The following COL4A3 variants were observed in gnomAD, a reference collection of about 807,000 sequenced individuals.
The protein encoded by COL4A3 is collagen type IV alpha 3 chain.
A neutral mutation model predicts 217.4 loss-of-function variants in COL4A3; 135 were observed. That is an observed-to-expected ratio of 0.62 (90% confidence interval 0.54 to 0.72). The LOEUF is 0.72. COL4A3 is among the 30% of genes least tolerant of loss of function. COL4A3 has a pLI of 0.00. For missense variants in COL4A3, 1,868 were observed against 2,119.9 expected (o/e 0.88, Z 2.33); for synonymous variants, 690 against 736.3 (o/e 0.94, Z 1.02).
intron 26 of COL4A3, among the ~76,000 whole-genome samples, chr2:227,275,427 C>T (rs934841076): frequency 6.6e-6 from 1 of 152,116 alleles, no homozygotes; most frequent in Admixed American, 6.5e-5. Flanking sequence ...GTGATCCACC[C>T]GCCTTGGTCT....
At chr2:227,233,683 G>GA (rs1444139183) in intron 1 of COL4A3, among the ~76,000 whole-genome samples, 1 of 152,214 alleles carries the variant, frequency 6.6e-6, no homozygotes, top group South Asian at 2.1e-4. Context: ...ATATCAAAAA[G>GA]AAAAAATCAA....
intron 1 of COL4A3, among the ~76,000 whole-genome samples, chr2:227,193,479 C>T (rs1384539829): frequency 2.0e-5 from 3 of 152,050 alleles, no homozygotes; most frequent in African/African-American, 7.2e-5. Context: ...TTGGGGAGGC[C>T]GAGGTGGGCG....
Position 227,314,661 on chromosome 2 carries a change from A to C in COL4A3, c.*2791A>C, listed in dbSNP as rs779705298. On this transcript the variant is annotated 3_prime_UTR_variant, in exon 52 of 52. Transcript: ENST00000396578. Reference sequence around the variant, plus strand: ...CTCTATAACCAAATGAAATATATTTAAAATATATTGAATATTTTATATTGT... The same window carrying C: ...CTCTATAACCAAATGAAATATATTTCAAATATATTGAATATTTTATATTGT... 2 of 152,220 alleles carry C rather than the reference A, an allele frequency of 1.3e-5. No individual in the cohort carries two copies. Among genetic ancestry groups the C allele is most frequent in the Non-Finnish European group, 2.9e-5 (2 of 67,970 alleles). The allele number at this position is 152,220 out of a possible 1,614,324, so 9.4% of individuals were successfully genotyped here. A position where few individuals can be genotyped will look rare whatever the true frequency, so the allele number is the denominator to read the frequency against.
intron 39 of COL4A3, 34 bp from the exon 40 acceptor site, chr2:227,294,930 T>C (rs775607189): frequency 2.8e-6 from 4 of 1,432,746 alleles, no homozygotes; most frequent in African/African-American, 1.7e-5. Context: ...TATACCATAG[T>C]TTGGGGTTTT....
At chr2:227,222,076 C>A (rs1387879605) in intron 1 of COL4A3, among the ~76,000 whole-genome samples, 2 of 149,852 alleles carry the variant, frequency 1.3e-5, no homozygotes, top group East Asian at 3.9e-4. Flanking sequence ...ATTGCTTGAG[C>A]CCAGGAGTTT....
rs542100614 is a variant in COL4A3, at chr2:227,164,771, G to C, written c.45G>C (p.Pro15=). The change falls in exon 1 of 52, where the codon CCG becomes CCC. Residue 15 remains proline (P), a synonymous_variant. Transcript: ENST00000396578. The surrounding 1 kb of genome is among the most constrained non-coding windows in gnomAD (Gnocchi z 4.8). Reference sequence around the variant, plus strand: ...CCAGGCCGCAGGTGCTCCTGCTGCCGCTCCTGCTGGTGCTCCTGGCGGCGG... The same window carrying C: ...CCAGGCCGCAGGTGCTCCTGCTGCCCCTCCTGCTGGTGCTCCTGGCGGCGG... The part of the protein sequence containing the change: ...TAPRPQVLLL[P]LLLVLLAAAP... The C allele has an allele frequency of 1.3e-6, 2 of 1,522,482 alleles. No individual in the cohort carries two copies. 94.3% of individuals were successfully genotyped at this position (1,522,482 alleles called of 1,614,324 possible).
At chr2:227,249,216 A>G (rs536510249) in intron 9 of COL4A3, among the ~76,000 whole-genome samples, 3 of 26,884 alleles carry the variant, frequency 1.1e-4, no homozygotes, top group African/African-American at 3.4e-4. Context: ...TAGCTAGTAT[A>G]TATATATATA....
At chr2:227,217,942 G>A (rs575332398) in intron 1 of COL4A3, among the ~76,000 whole-genome samples, 2 of 150,504 alleles carry the variant, frequency 1.3e-5, no homozygotes, top group African/African-American at 4.8e-5. Context: ...CTGGCACAAG[G>A]GCAGAAGACA....
Position 227,251,361 on chromosome 2 carries a change from G to T in COL4A3, c.635G>T (p.Arg212Ile). ...FFGFPGAMGPRGPKGHMGERV... is the reference protein window; with the variant it reads ...FFGFPGAMGPIGPKGHMGERV... ...GGCTTTCCAGGAGCCATGGGACCTA[G>T]AGGACCTAAGGTAGACTACAGTTCA... Residue 212 changes from arginine to isoleucine, a missense_variant, in exon 11 of 52, where the codon AGA (arginine) becomes ATA (isoleucine). Arg to Ile is a moderately conservative substitution (Grantham distance 97). Around this residue, in one of 2 missense-constraint regions of COL4A3, gnomAD observed 365 missense variants for 333.8 expected, o/e 1.09. Transcript: ENST00000396578. 1 of 1,613,028 alleles carries T rather than the reference G, an allele frequency of 6.2e-7. No homozygotes were observed. The highest frequency in any genetic ancestry group is 8.5e-7 in the Non-Finnish European group (1 of 1,179,916).
chr2:227,301,350 T>C (rs914951437), intron 43 of COL4A3, among the ~76,000 whole-genome samples: 3 of 152,216 alleles, frequency 2.0e-5, no homozygotes, highest in African/African-American at 4.8e-5. Flanking sequence ...AGAACATCTA[T>C]GGTATAACTC....
intron 1 of COL4A3, among the ~76,000 whole-genome samples, chr2:227,226,471 G>GTTTT (rs1553745378): frequency 2.7e-5 from 3 of 111,908 alleles, no homozygotes; most frequent in Non-Finnish European, 3.8e-5. Flanking sequence ...CTAATGTTAG[G>GTTTT]TTTGTTTTTT....
Position 227,164,871 on chromosome 2 carries a change from G to A in COL4A3, c.87+58G>A. 20 of 1,423,254 alleles carry A rather than the reference G, an allele frequency of 1.4e-5. No individual in the cohort carries two copies. Among genetic ancestry groups the A allele is most frequent in the Non-Finnish European group, 1.6e-5 (17 of 1,092,786 alleles). The allele number at this position is 1,423,254 out of a possible 1,614,324, so 88.2% of individuals were successfully genotyped here. A position where few individuals can be genotyped will look rare whatever the true frequency, so the allele number is the denominator to read the frequency against. ...ACTTCCATCCCTCCTCCACGCGTCC[G>A]GGGGACGCGCTGGCCCCACCCGCAG... On this transcript the variant is annotated intron_variant, in intron 1 of 51. Coordinates refer to ENST00000396578, the MANE Select transcript of COL4A3 (RefSeq NM_000091.5). This position sits in a 1 kb window ranked among gnomAD's most constrained non-coding sequence, Gnocchi z 4.8.
At chr2:227,284,956 T>C (rs927872826) in intron 34 of COL4A3, among the ~76,000 whole-genome samples, 1 of 152,158 alleles carries the variant, frequency 6.6e-6, no homozygotes, top group Non-Finnish European at 1.5e-5. Context: ...ATATGATCAA[T>C]ACGACCAATA....
rs528769621 is a variant in COL4A3, at chr2:227,253,887, C to G, written c.766-225C>G. On this transcript the variant is annotated intron_variant, in intron 13 of 51. Transcript: ENST00000396578. This position sits in a 1 kb window ranked among gnomAD's most constrained non-coding sequence, Gnocchi z 4.4. ...AGACTTCATTTAAAAAAAAAAACAA[C>G]AAAAAAAAGATACTTAAAAAAAAGC... Among the ~76,000 whole-genome samples the G allele has an allele frequency of 6.6e-6, 1 of 150,862 alleles. No homozygotes were observed. The highest frequency in any genetic ancestry group is 1.5e-5 in the Non-Finnish European group (1 of 67,766).
At position 227,290,065 on chromosome 2, in the gene COL4A3, G is replaced by A. The variant is rs1479935022; in HGVS notation, c.3047G>A (p.Ser1016Asn). ...GEPGLRGIPG[S>N]MGNMGMPGSK... ...CCAGGACTGCGTGGTATACCAGGAA[G>A]CATGGGGAACATGGGCATGCCAGGT... is the stretch of plus-strand genomic sequence containing the variant. Residue 1016 changes from serine to asparagine, a missense_variant, in exon 36 of 52, where the codon AGC becomes AAC. By Grantham distance (46) the Ser-to-Asn change is conservative. Transcript: ENST00000396578. 1 of 1,614,186 alleles carries A rather than the reference G, an allele frequency of 6.2e-7. No homozygotes were observed. Among genetic ancestry groups the A allele is most frequent in the Non-Finnish European group, 8.5e-7 (1 of 1,180,022 alleles).
intron 1 of COL4A3, among the ~76,000 whole-genome samples, chr2:227,230,423 A>T (rs527645401): frequency 6.6e-6 from 1 of 152,328 alleles, no homozygotes; most frequent in South Asian, 2.1e-4. Flanking sequence ...TTAAGATATG[A>T]GGAAACTATG....
At chr2:227,180,246 C>T (rs1440421527) in intron 1 of COL4A3, among the ~76,000 whole-genome samples, 4 of 152,138 alleles carry the variant, frequency 2.6e-5, no homozygotes, top group Non-Finnish European at 5.9e-5. Flanking sequence ...AACAGGGCAG[C>T]CTCTGAAATC....
intron 3 of COL4A3, 45 bp downstream of exon 3, chr2:227,240,277 C>G (rs1559857019): frequency 6.6e-7 from 1 of 1,525,210 alleles, no homozygotes; most frequent in Admixed American, 1.9e-5. Context: ...CCACCTAACC[C>G]TCTTCCTGCC....
At chr2:227,181,183 T>G (rs1235946021) in intron 1 of COL4A3, among the ~76,000 whole-genome samples, 1 of 152,212 alleles carries the variant, frequency 6.6e-6, no homozygotes, top group Non-Finnish European at 1.5e-5. Flanking sequence ...TATTAATAAT[T>G]TCTGCCTTTC....
Sources: allele counts gnomAD v4.1 joint callset (sites outside exome capture counted in the v4.1 genomes callset), GRCh38; gene constraint gnomAD v4.1.1; regional missense constraint gnomAD v4.1.1; non-coding constraint Gnocchi (gnomAD v3.1); transcripts MANE v1.5; gene names NCBI Gene and HGNC (gene_info 2026-07-23, HGNC 2026-07-21).